The following UNKL variants were observed in gnomAD, a reference collection of about 807,000 sequenced individuals.
UNKL encodes putative E3 ubiquitin-protein ligase UNKL.
In UNKL, 60 loss-of-function variants were observed where a neutral mutation model predicts 78.0. The observed-to-expected ratio is 0.77, with a 90% CI of 0.63 to 0.95. The LOEUF (loss-of-function observed/expected upper bound fraction) is 0.95, where lower values mean the gene tolerates loss of function less well. Among genes scored for constraint, UNKL ranks in the 40% least tolerant of loss-of-function variants. The pLI, the probability that UNKL is intolerant of heterozygous loss-of-function variation, is 0.00. For missense variants in UNKL, 1,159 were observed against 1,045.7 expected (o/e 1.11, Z -1.49); for synonymous variants, 608 against 474.8 (o/e 1.28, Z -3.65).
intron 6 of UNKL, chr16:1,394,488 A>T: frequency 1.6e-6 from 1 of 627,340 alleles, no homozygotes; most frequent in Non-Finnish European, 3.0e-6. Context: ...TCCCCGCTTG[A>T]TATTTTCTGA....
At chr16:1,413,094 G>A (rs1444006329) in intron 2 of UNKL, among the ~76,000 whole-genome samples, 1 of 151,866 alleles carries the variant, frequency 6.6e-6, no homozygotes, top group East Asian at 1.9e-4. Flanking sequence ...CAAAAACTAT[G>A]CAAAATTAGC....
rs776307767 is a variant in UNKL at position 1,367,903 on chromosome 16, C to G, written c.1586-45G>C. ...TGACGGCCCAGCCCTGCTGTGCTCG[C>G]GGCCTGGTGGGATTGGTGGGTGCTA... On this transcript the variant is annotated intron_variant, in intron 12 of 14. Transcript: ENST00000389221. The G allele has an allele frequency of 4.0e-6, 6 of 1,498,670 alleles. No individual in the cohort carries two copies. In the African/African-American group the frequency reaches 6.9e-5, roughly 17 times the overall value. The allele number at this position is 1,498,670 out of a possible 1,614,324, so 92.8% of individuals were successfully genotyped here. A position where few individuals can be genotyped will look rare whatever the true frequency, so the allele number is the denominator to read the frequency against.
chr16:1,385,541 G>A (rs893454883), intron 9 of UNKL, 156 bp from the exon 10 acceptor site: 4 of 680,582 alleles, frequency 5.9e-6, no homozygotes, highest in South Asian at 1.1e-4. Context: ...GACTCTGACC[G>A]CACCGAGGAG....
In UNKL at chr16:1,402,317, G is replaced by A. The variant is rs569335672; in HGVS notation, c.465-616C>T. ...TCAACCCCAGTGAGCTGCCCTCCGG[G>A]CCCAGAAGAGAAACACACAGTGAGA... On this transcript the variant is annotated intron_variant, in intron 3 of 14. Transcript: ENST00000389221. Among the ~76,000 whole-genome samples, 64 of 149,108 alleles carry A rather than the reference G, an allele frequency of 4.3e-4. 1 individual carries two copies. The South Asian group carries it at 9.0e-3, about 21-fold the overall frequency.
chr16:1,397,209 T>C lies in UNKL; in HGVS notation c.821A>G (p.His274Arg). The change falls in exon 6 of 15, where the codon CAC (histidine) becomes CGC (arginine). Residue 274 changes from histidine to arginine, a missense_variant. His to Arg is a conservative substitution (Grantham distance 29). Transcript: ENST00000389221. ...ATGGAACTGCTGCTCCGTGCGGGAG[T>C]GGCAATACTGGCAGCCGTCGCCGCC... is the stretch of plus-strand genomic sequence containing the variant. ...CDGGDGCQYC[H>R]SRTEQQFHPE... The C allele has an allele frequency of 6.5e-7, 1 of 1,546,778 alleles. No homozygotes were observed. The highest frequency in any genetic ancestry group is 2.4e-5 in the East Asian group (1 of 40,916).
intron 12 of UNKL, among the ~76,000 whole-genome samples, chr16:1,368,969 A>T (rs897513443): frequency 1.3e-5 from 2 of 149,218 alleles, no homozygotes; most frequent in Non-Finnish European, 3.0e-5. Flanking sequence ...CTGGTCTTGA[A>T]CCCCTGGCCT....
chr16:1,378,504 G>A (rs4984827), intron 10 of UNKL, among the ~76,000 whole-genome samples: 132,708 of 152,198 alleles, frequency 0.87, 58,056 homozygotes, highest in East Asian at 1. Context: ...CCTTGGAGTG[G>A]GGTGATCCCA....
chr16:1,366,562 G>T (rs919860272), intron 14 of UNKL, among the ~76,000 whole-genome samples, 167 bp from the exon 15 acceptor site: 1 of 151,928 alleles, frequency 6.6e-6, no homozygotes, highest in African/African-American at 2.4e-5. Flanking sequence ...CAGGGAGAAG[G>T]CAGCTGCGGG....
In UNKL at chr16:1,392,985, A is replaced by G; in HGVS notation, c.938-9T>C. 2 of 1,550,406 alleles carry G rather than the reference A, an allele frequency of 1.3e-6. No individual in the cohort carries two copies. The highest frequency in any genetic ancestry group is 1.7e-6 in the Non-Finnish European group (2 of 1,146,932). On this transcript the variant is annotated splice_polypyrimidine_tract_variant and intron_variant, in intron 7 of 14. Coordinates refer to ENST00000389221, the MANE Select transcript of UNKL (RefSeq NM_001372107.1). ...CACCATCCCCAGGCTCTCTGCAAGGACAGGGGAGCAGCAGACTCTGAGGGC... is the reference window on the plus strand; with the variant it reads ...CACCATCCCCAGGCTCTCTGCAAGGGCAGGGGAGCAGCAGACTCTGAGGGC...
chr16:1,395,314 T>A (rs2037215451), intron 6 of UNKL, among the ~76,000 whole-genome samples: 2 of 151,872 alleles, frequency 1.3e-5, no homozygotes, highest in Admixed American at 1.3e-4. Context: ...ACTACAGCCA[T>A]GAGCCACCAA....
rs1171669946 is a variant in UNKL, at chr16:1,396,235, C to G, written c.852+943G>C. On this transcript the variant is annotated intron_variant, in intron 6 of 14. Coordinates refer to ENST00000389221, the MANE Select transcript of UNKL (RefSeq NM_001372107.1). Reference sequence around the variant, plus strand: ...GGGATTACAGTGTGAGCCACCGTGCCTGGCCTGAACATGTGTTTTGTTTTG... The same window carrying G: ...GGGATTACAGTGTGAGCCACCGTGCGTGGCCTGAACATGTGTTTTGTTTTG... 2.0e-5 allele frequency among the ~76,000 whole-genome samples: 3 copies of G among 151,376 alleles called. No individual in the cohort carries two copies. The East Asian group carries it at 5.8e-4, about 29-fold the overall frequency.
chr16:1,372,631 C>G (rs2035951077), intron 10 of UNKL, among the ~76,000 whole-genome samples: 1 of 152,244 alleles, frequency 6.6e-6, no homozygotes. Context: ...CTCCCGCAGC[C>G]ACTGCACAGA....
intron 10 of UNKL, among the ~76,000 whole-genome samples, chr16:1,374,243 C>T (rs1375554320): frequency 6.6e-6 from 1 of 152,216 alleles, no homozygotes; most frequent in Non-Finnish European, 1.5e-5. Flanking sequence ...CCCCGCTGCC[C>T]ACCTTTGGCA....
intron 10 of UNKL, among the ~76,000 whole-genome samples, chr16:1,378,733 G>A (rs903690652): frequency 6.6e-6 from 1 of 152,128 alleles, no homozygotes; most frequent in Non-Finnish European, 1.5e-5. Flanking sequence ...GTGCCCCCGA[G>A]AGACTCCGGC....
chr16:1,400,896 C>G (rs944197994), intron 4 of UNKL, among the ~76,000 whole-genome samples: 4 of 152,162 alleles, frequency 2.6e-5, no homozygotes, highest in Admixed American at 1.3e-4. Context: ...ACCATGTTGG[C>G]CAGGCTGGCC....
At chr16:1,381,049 C>A (rs1418587955) in intron 10 of UNKL, among the ~76,000 whole-genome samples, 1 of 152,092 alleles carries the variant, frequency 6.6e-6, no homozygotes, top group Non-Finnish European at 1.5e-5. Flanking sequence ...CAAAAACGTA[C>A]CTCAGATACG....
Position 1,397,165 on chromosome 16 carries a change from T to C in UNKL, c.852+13A>G, listed in dbSNP as rs2142168631. ...CCAGCGACCCCTACGCCTGGGGGGT[T>C]GGAGGGACGTACCTCGGGATGGAAC... is the stretch of plus-strand genomic sequence containing the variant. On this transcript the variant is annotated intron_variant, in intron 6 of 14. Transcript: ENST00000389221. The C allele has an allele frequency of 1.3e-6, 2 of 1,546,868 alleles. No individual in the cohort carries two copies. Among genetic ancestry groups the C allele is most frequent in the Non-Finnish European group, 1.7e-6 (2 of 1,146,664 alleles).
chr16:1,378,255 A>G (rs557566847), intron 10 of UNKL, among the ~76,000 whole-genome samples: 86 of 152,302 alleles, frequency 5.6e-4, no homozygotes, highest in Non-Finnish European at 3.5e-4. Flanking sequence ...GCCTGCCCAC[A>G]GCCCCCTCAT....
rs1409512552 is a variant in UNKL, at chr16:1,399,767, G to A, written c.599-258C>T. 1.3e-5 allele frequency among the ~76,000 whole-genome samples: 2 copies of A among 152,212 alleles called. No individual in the cohort carries two copies. The highest frequency in any genetic ancestry group is 1.3e-4 in the Admixed American group (2 of 15,276). ...ACTAGGGAACCCACAGAGACGGAGT[G>A]GAGCCGAGACCACCAGGGCTGGGAG... On this transcript the variant is annotated intron_variant, in intron 4 of 14. Transcript: ENST00000389221. The surrounding 1 kb of genome is among the most constrained non-coding windows in gnomAD (Gnocchi z 5.8).
Sources: gnomAD v4.1 joint callset for allele counts (sites outside exome capture counted in the v4.1 genomes callset) on GRCh38, gnomAD v4.1.1 for gene constraint, Gnocchi (gnomAD v3.1) non-coding constraint, MANE v1.5 for transcripts, NCBI Gene and HGNC (gene_info 2026-07-23, HGNC 2026-07-21) for gene names.